Variants in IGF2BP2 observed in about 807,000 individuals in gnomAD.
IGF2BP2 encodes the protein insulin-like growth factor 2 mRNA-binding protein 2.
In IGF2BP2, 17 loss-of-function variants were observed where a neutral mutation model predicts 75.8. The observed-to-expected ratio is 0.22, with a 90% CI of 0.15 to 0.34. IGF2BP2 has a LOEUF of 0.34. IGF2BP2 is among the 10% of genes least tolerant of loss of function. The pLI is 1.00. For missense variants in IGF2BP2, 516 were observed against 772.4 expected, an observed-to-expected ratio of 0.67 and a Z score of 3.93; for synonymous variants, 288 against 295.6, an observed-to-expected ratio of 0.97 and a Z score of 0.26.
intron 2 of IGF2BP2, among the ~76,000 whole-genome samples, chr3:185,760,171 CTG>C (rs772756395): frequency 1.1e-4 from 17 of 152,242 alleles, no homozygotes; most frequent in Non-Finnish European, 2.1e-4. Flanking sequence ...TAGCCAATAA[CTG>C]AATGTTCACA....
At position 185,794,993 on chromosome 3, in the gene IGF2BP2, G is replaced by A. The variant is rs995833369; in HGVS notation, c.239+28160C>T. 2.6e-5 allele frequency among the ~76,000 whole-genome samples: 4 copies of A among 152,068 alleles called. No individual in the cohort carries two copies. The East Asian group carries it at 7.7e-4, about 29-fold the overall frequency. ...GCTCACTGCAAGCTCCACCTCCCGGGTTCATGCCATTCTCTTGCCTCAGCC... is the reference window on the plus strand; with the variant it reads ...GCTCACTGCAAGCTCCACCTCCCGGATTCATGCCATTCTCTTGCCTCAGCC... On this transcript the variant is annotated intron_variant, in intron 2 of 15. Coordinates refer to ENST00000382199, the MANE Select transcript of IGF2BP2 (RefSeq NM_006548.6).
At chr3:185,805,998 TGCCTGATCTCAGGTGATCCACCCGCCTCA>T (rs1440837979) in intron 2 of IGF2BP2, among the ~76,000 whole-genome samples, 78 of 151,676 alleles carry the variant, frequency 5.1e-4, no homozygotes, top group South Asian at 3.7e-3. Flanking sequence ...TGGTCTCAAA[TGCCTGATCTCAGGTGATCCACCCGCCTCA>T]GCCTGATCTC....
chr3:185,733,871 C>G (rs1461954054), intron 2 of IGF2BP2, among the ~76,000 whole-genome samples: 1 of 152,122 alleles, frequency 6.6e-6, no homozygotes. Flanking sequence ...TAGCAAGTCT[C>G]TCTATGAATG....
intron 10 of IGF2BP2, among the ~76,000 whole-genome samples, chr3:185,662,687 T>C (rs933533460): frequency 4.0e-5 from 6 of 151,400 alleles, no homozygotes; most frequent in Non-Finnish European, 5.9e-5. Context: ...GGATTACAGG[T>C]ACCCACCACC....
chr3:185,786,727 C>T (rs1047658074), intron 2 of IGF2BP2, among the ~76,000 whole-genome samples: 6 of 152,158 alleles, frequency 3.9e-5, no homozygotes, highest in East Asian at 1.9e-4. Flanking sequence ...TTCACATGGA[C>T]GCGCGTGACA....
intron 2 of IGF2BP2, among the ~76,000 whole-genome samples, chr3:185,715,194 T>G (rs1259504307): frequency 6.6e-6 from 1 of 152,168 alleles, no homozygotes; most frequent in Non-Finnish European, 1.5e-5. Context: ...AAAGATATTC[T>G]AAGGGAATGA....
At chr3:185,678,187 G>A (rs1719842326) in intron 7 of IGF2BP2, among the ~76,000 whole-genome samples, 1 of 152,160 alleles carries the variant, frequency 6.6e-6, no homozygotes, top group Non-Finnish European at 1.5e-5. Context: ...CAAAGATAGA[G>A]TATCTTCAAA....
chr3:185,651,966 T>TA, intron 13 of IGF2BP2, 128 bp downstream of exon 13: 1 of 635,368 alleles, frequency 1.6e-6, no homozygotes, highest in Admixed American at 3.1e-5. Flanking sequence ...AGGGTGAGCC[T>TA]GAGCTTGGTG....
intron 2 of IGF2BP2, among the ~76,000 whole-genome samples, chr3:185,723,246 G>T (rs191716376): frequency 5.9e-5 from 9 of 152,264 alleles, no homozygotes; most frequent in Admixed American, 5.2e-4. Context: ...CTATCCCTTG[G>T]AAATCATGAT....
intron 2 of IGF2BP2, among the ~76,000 whole-genome samples, chr3:185,709,397 G>A (rs570327688): frequency 9.2e-5 from 14 of 152,140 alleles, no homozygotes; most frequent in Non-Finnish European, 1.0e-4. Context: ...CAGCATGTGC[G>A]CAGCAATCAG....
chr3:185,712,497 T>G (rs1039558319), intron 2 of IGF2BP2: 1 of 152,148 alleles, frequency 6.6e-6, no homozygotes, highest in South Asian at 2.1e-4. Flanking sequence ...GAGTGAGAGA[T>G]ATGCCAAGTG....
At chr3:185,651,981 G>A in intron 13 of IGF2BP2, 113 bp downstream of exon 13, 1 of 713,706 alleles carries the variant, frequency 1.4e-6, no homozygotes, top group Non-Finnish European at 2.2e-6. Context: ...TTGGTGGGCA[G>A]CAGCAGGGAG....
intron 10 of IGF2BP2, among the ~76,000 whole-genome samples, chr3:185,668,508 G>GAGATATATAT (rs779987582): frequency 3.2e-5 from 4 of 125,786 alleles, no homozygotes; most frequent in Admixed American, 1.6e-4. Context: ...GAGAGAGAGA[G>GAGATATATAT]ATATATATAT....
intron 1 of IGF2BP2, 24 bp downstream of exon 1, chr3:185,824,759 G>T (rs1408022399): frequency 7.7e-7 from 1 of 1,301,004 alleles, no homozygotes; most frequent in Non-Finnish European, 9.9e-7. Flanking sequence ...GAGGCGGGGG[G>T]AGGGGGCCGC....
At chr3:185,770,377 C>T (rs1177220498) in intron 2 of IGF2BP2, among the ~76,000 whole-genome samples, 1 of 152,142 alleles carries the variant, frequency 6.6e-6, no homozygotes, top group Non-Finnish European at 1.5e-5. Flanking sequence ...GCAAAACCAA[C>T]GAACAGAGAT....
rs1553844915 is a variant in IGF2BP2 at position 185,644,600 on chromosome 3, G to GC, written c.*930_*931insG. On this transcript the variant is annotated 3_prime_UTR_variant, in exon 16 of 16. Coordinates refer to ENST00000382199, the MANE Select transcript of IGF2BP2 (RefSeq NM_006548.6). The stretch of plus-strand genomic sequence containing the variant: ...AGCACTGCTTTGCCTGGGGGGGGGG[G>GC]GGTGCGTAGATACGGGATTGAGATG... 7.0e-6 allele frequency: 1 copy of GC among 142,786 alleles called. No individual in the cohort carries two copies. The highest frequency in any genetic ancestry group is 2.6e-5 in the African/African-American group (1 of 38,820). 8.8% of individuals were successfully genotyped at this position (142,786 alleles called of 1,614,324 possible).
chr3:185,805,472 A>C (rs1459725838), intron 2 of IGF2BP2, among the ~76,000 whole-genome samples: 1 of 152,178 alleles, frequency 6.6e-6, no homozygotes, highest in East Asian at 1.9e-4. Context: ...AGGAATAATC[A>C]AGACTGTGTG....
chr3:185,674,743 C>T (rs1577917188), intron 9 of IGF2BP2, among the ~76,000 whole-genome samples: 1 of 152,158 alleles, frequency 6.6e-6, no homozygotes, highest in Non-Finnish European at 1.5e-5. Context: ...TTCTAATGTG[C>T]CAGCTATTTT....
chr3:185,677,094 G>GAGAGAA (rs1232997499), intron 7 of IGF2BP2, among the ~76,000 whole-genome samples: 6 of 134,024 alleles, frequency 4.5e-5, no homozygotes, highest in African/African-American at 1.7e-4. Flanking sequence ...GAGAGAGAGA[G>GAGAGAA]AGAGAGAGAG....
Sources: gnomAD v4.1 joint callset for allele counts (sites outside exome capture counted in the v4.1 genomes callset) on GRCh38, gnomAD v4.1.1 for gene constraint, MANE v1.5 for transcripts, NCBI Gene and HGNC (gene_info 2026-07-23, HGNC 2026-07-21) for gene names.